BCL9L: variants seen among roughly 807,000 people sequenced by gnomAD.
The protein encoded by BCL9L is B-cell CLL/lymphoma 9-like protein.
A neutral mutation model predicts 99.4 loss-of-function variants in BCL9L; 19 were observed. That is an observed-to-expected ratio of 0.19 (90% CI 0.13 to 0.28). BCL9L has a LOEUF of 0.28. Ranked by LOEUF, BCL9L falls within the 10% of genes least tolerant of loss-of-function variation. The pLI, the probability that BCL9L is intolerant of heterozygous loss-of-function variation, is 1.00. For synonymous variants in BCL9L, 900 were observed against 854.8 expected (o/e 1.05, Z -0.92); for missense variants, 2,023 against 2,101.6 (o/e 0.96, Z 0.73).
intron 5 of BCL9L, among the ~76,000 whole-genome samples, chr11:118,905,053 T>C (rs780395597): frequency 6.6e-6 from 1 of 152,204 alleles, no homozygotes; most frequent in Non-Finnish European, 1.5e-5. Context: ...TTACTCCTCA[T>C]ACCAACCCTA....
Position 118,901,346 on chromosome 11 carries a change from C to G in BCL9L, c.2397G>C (p.Lys799Asn), listed in dbSNP as rs1940225904. The part of the protein sequence containing the change: ...TPQQQMLMSQ[K>N]MRGPGDLMGP... ...CCATCAAGTCCCCAGGGCCCCGCAT[C>G]TTCTGCGACATCAGCATCTGCTGCT... Residue 799 changes from lysine to asparagine, a missense_variant, in exon 8 of 10, where the codon AAG (lysine) becomes AAC (asparagine). Physicochemically the swap from Lys to Asn is moderately conservative, Grantham distance 94 (BLOSUM62 0). Coordinates refer to ENST00000683865, the MANE Select transcript of BCL9L (RefSeq NM_001378213.1). This position sits in a 1 kb window ranked among gnomAD's most constrained non-coding sequence, Gnocchi z 6.6. The G allele has an allele frequency of 1.2e-6, 2 of 1,613,844 alleles. No homozygotes were observed. Among genetic ancestry groups the G allele is most frequent in the East Asian group, 2.2e-5 (1 of 44,878 alleles).
chr11:118,902,570 G>A lies in BCL9L; in HGVS notation c.1173C>T (p.Arg391=). The change falls in exon 8 of 10, where the codon CGC becomes CGT. Residue 391 remains arginine, a synonymous_variant. Coordinates refer to ENST00000683865, the MANE Select transcript of BCL9L (RefSeq NM_001378213.1). This position sits in a 1 kb window ranked among gnomAD's most constrained non-coding sequence, Gnocchi z 7.8. ...GEAAAPGNGQ[R]SLVGSEGLSK... ...ACAAGCCCTCTGAGCCCACCAGGCT[G>A]CGCTGCCCATTTCCAGGGGCGGCTG... 2.5e-6 allele frequency: 4 copies of A among 1,601,208 alleles called. No homozygotes were observed. Among genetic ancestry groups the A allele is most frequent in the Non-Finnish European group, 2.5e-6 (3 of 1,179,856 alleles).
Position 118,901,785 on chromosome 11 carries a change from G to C in BCL9L, c.1958C>G (p.Ala653Gly). The change falls in exon 8 of 10, where the codon GCC becomes GGC. Residue 653 changes from alanine (A) to glycine (G), a missense_variant. Transcript: ENST00000683865. This position sits in a 1 kb window ranked among gnomAD's most constrained non-coding sequence, Gnocchi z 6.6. ...ACCTGGGTAGGGCATGGTGTTCTGGGCAAAATTGCTGGGTCCCCCCATAGG... is the reference window on the plus strand; with the variant it reads ...ACCTGGGTAGGGCATGGTGTTCTGGCCAAAATTGCTGGGTCCCCCCATAGG... The part of the protein sequence containing the change: ...LPPMGGPSNF[A>G]QNTMPYPGGQ... The C allele has an allele frequency of 6.2e-7, 1 of 1,611,176 alleles. No individual in the cohort carries two copies. Among genetic ancestry groups the C allele is most frequent in the Non-Finnish European group, 8.5e-7 (1 of 1,177,654 alleles).
Position 118,914,668 on chromosome 11 carries a change from C to G in BCL9L, c.-77+4158G>C. ...GGTTTCTGGTGTCAGTCCTGGCACC[C>G]TCAGGCAAGAAAGGCTTAGGGGATT... On this transcript the variant is annotated intron_variant, in intron 2 of 9. Transcript: ENST00000683865. This position sits in a 1 kb window ranked among gnomAD's most constrained non-coding sequence, Gnocchi z 4.4. Among the ~76,000 whole-genome samples the G allele has an allele frequency of 6.6e-6, 1 of 152,200 alleles. No individual in the cohort carries two copies. The highest frequency in any genetic ancestry group is 1.5e-5 in the Non-Finnish European group (1 of 68,036).
chr11:118,902,311 T>C lies in BCL9L; in HGVS notation c.1432A>G (p.Ser478Gly). The C allele has an allele frequency of 6.4e-7, 1 of 1,560,282 alleles. No homozygotes were observed. The highest frequency in any genetic ancestry group is 1.4e-5 in the African/African-American group (1 of 73,320). Residue 478 changes from serine to glycine, a missense_variant, in exon 8 of 10, where the codon AGC (serine) becomes GGC (glycine). Ser to Gly is a moderately conservative substitution (Grantham distance 56). Coordinates refer to ENST00000683865, the MANE Select transcript of BCL9L (RefSeq NM_001378213.1). The surrounding 1 kb of genome is among the most constrained non-coding windows in gnomAD (Gnocchi z 7.8). ...PLQSMISQTQ[S>G]LGGPPLEHEV... ...TGCTCCAGCGGGGGGCCCCCTAGGC[T>C]CTGTGTCTGTGAAATCATGGACTGC...
chr11:118,912,492 C>T (rs1940833561), intron 2 of BCL9L, among the ~76,000 whole-genome samples: 1 of 152,174 alleles, frequency 6.6e-6, no homozygotes, highest in Non-Finnish European at 1.5e-5. Flanking sequence ...GCTCCCCCAC[C>T]CCGAGTGACG....
intron 2 of BCL9L, among the ~76,000 whole-genome samples, chr11:118,913,779 G>A (rs1166702864): frequency 3.9e-5 from 6 of 152,086 alleles, no homozygotes; most frequent in Non-Finnish European, 8.8e-5. Flanking sequence ...GGCAAGGGAG[G>A]AGCAAGAAGC....
rs1207905899 is a variant in BCL9L at position 118,900,202 on chromosome 11, C to A, written c.3125-4G>T. The A allele has an allele frequency of 6.3e-7, 1 of 1,586,688 alleles. No homozygotes were observed. The highest frequency in any genetic ancestry group is 8.6e-7 in the Non-Finnish European group (1 of 1,163,780). ...GGGCCGCTAGGCGGGAGGGTACCTA[C>A]AGAAACGGGGAGACAAAGAGAGCAG... On this transcript the variant is annotated splice_region_variant and splice_polypyrimidine_tract_variant and intron_variant, in intron 8 of 9. Coordinates refer to ENST00000683865, the MANE Select transcript of BCL9L (RefSeq NM_001378213.1). The surrounding 1 kb of genome is among the most constrained non-coding windows in gnomAD (Gnocchi z 5.3).
At chr11:118,899,816 G>T in intron 9 of BCL9L, 101 bp downstream of exon 9, 1 of 1,444,992 alleles carries the variant, frequency 6.9e-7, no homozygotes, top group Non-Finnish European at 9.2e-7. Context: ...CACACCCAGG[G>T]CCTTCAGAGG....
chr11:118,899,215 G>T lies in BCL9L; in HGVS notation c.3700C>A (p.Gln1234Lys). ...GTGGGGGCCATGGCACCATGGGGCT[G>T]CTGCAGCCGAGGGGGGAAGGGCATC... is the stretch of plus-strand genomic sequence containing the variant. ...QMMPFPPRLQ[Q>K]PHGAMAPTGG... is the part of the protein sequence containing the mutation. The change falls in exon 10 of 10, where the codon CAG becomes AAG. Residue 1234 changes from glutamine to lysine, a missense_variant. Coordinates refer to ENST00000683865, the MANE Select transcript of BCL9L (RefSeq NM_001378213.1). The T allele has an allele frequency of 2.0e-6, 3 of 1,503,292 alleles. No homozygotes were observed. The highest frequency in any genetic ancestry group is 2.7e-6 in the Non-Finnish European group (3 of 1,127,026). The allele number at this position is 1,503,292 out of a possible 1,614,324, so 93.1% of individuals were successfully genotyped here.
Position 118,899,099 on chromosome 11 carries a change from G to T in BCL9L, c.3816C>A (p.Gly1272=). Reference sequence around the variant, plus strand: ...TCAGGTGCTGCTGGGGAGGCATGGGGCCTGGCGGCTGGTTGGGCAGGTCCT... The same window carrying T: ...TCAGGTGCTGCTGGGGAGGCATGGGTCCTGGCGGCTGGTTGGGCAGGTCCT... ...PPEDLPNQPP[G]PMPPQQHLMG... is the part of the protein sequence containing the mutation. Residue 1272 remains glycine, a synonymous_variant, in exon 10 of 10, where the codon GGC becomes GGA. Coordinates refer to ENST00000683865, the MANE Select transcript of BCL9L (RefSeq NM_001378213.1). 6.3e-7 allele frequency: 1 copy of T among 1,587,988 alleles called. No individual in the cohort carries two copies. Among genetic ancestry groups the T allele is most frequent in the Non-Finnish European group, 8.6e-7 (1 of 1,166,588 alleles).
At position 118,902,295 on chromosome 11, in the gene BCL9L, G is replaced by A. The variant is rs147951163; in HGVS notation, c.1448C>T (p.Pro483Leu). 98 of 1,577,590 alleles carry A rather than the reference G, an allele frequency of 6.2e-5. No homozygotes were observed. Among genetic ancestry groups the A allele is most frequent in the South Asian group, 1.6e-4 (14 of 84,884 alleles). The change falls in exon 8 of 10, where the codon CCG becomes CTG. Residue 483 changes from proline (P) to leucine (L), a missense_variant. Pro to Leu is a moderately conservative substitution (Grantham distance 98). Transcript: ENST00000683865. This position sits in a 1 kb window ranked among gnomAD's most constrained non-coding sequence, Gnocchi z 7.8. ...ISQTQSLGGP[P>L]LEHEVPGHPP... ...GTGCCCAGGCACTTCATGCTCCAGC[G>A]GGGGGCCCCCTAGGCTCTGTGTCTG...
At chr11:118,919,132 C>G (rs1251821679) in intron 1 of BCL9L, among the ~76,000 whole-genome samples, 1 of 136,750 alleles carries the variant, frequency 7.3e-6, no homozygotes, top group Non-Finnish European at 1.6e-5. Context: ...CCCCAACCCC[C>G]GCCCACCACA....
In BCL9L at chr11:118,901,354, A is replaced by G. The variant is rs1940226496; in HGVS notation, c.2389T>C (p.Ser797Pro). ...TCCCCAGGGCCCCGCATCTTCTGCG[A>G]CATCAGCATCTGCTGCTGCGGGGTC... is the stretch of plus-strand genomic sequence containing the variant. Reference protein sequence around the residue: ...QMTPQQQMLMSQKMRGPGDLM... With the variant: ...QMTPQQQMLMPQKMRGPGDLM... The change falls in exon 8 of 10, where the codon TCG becomes CCG. Residue 797 changes from serine to proline, a missense_variant. Transcript: ENST00000683865. This position sits in a 1 kb window ranked among gnomAD's most constrained non-coding sequence, Gnocchi z 6.6. 2 of 1,613,806 alleles carry G rather than the reference A, an allele frequency of 1.2e-6. No homozygotes were observed. Among genetic ancestry groups the G allele is most frequent in the South Asian group, 2.2e-5 (2 of 91,084 alleles).
Position 118,897,252 on chromosome 11 carries a change from C to T in BCL9L, c.*1163G>A, listed in dbSNP as rs1939952798. The T allele has an allele frequency of 6.3e-6, 1 of 159,096 alleles. No homozygotes were observed. The highest frequency in any genetic ancestry group is 6.0e-5 in the Admixed American group (1 of 16,564). The allele number at this position is 159,096 out of a possible 1,614,324, so 9.9% of individuals were successfully genotyped here. The stretch of plus-strand genomic sequence containing the variant: ...AGTCAGGGCCCTGGAGGTTACCTGG[C>T]CCAGGGCTACTACAGCCACAGGCCC... On this transcript the variant is annotated 3_prime_UTR_variant, in exon 10 of 10. Transcript: ENST00000683865.
rs1941246660 is a variant in BCL9L at position 118,925,112 on chromosome 11, G to C, written c.-131+126C>G. The stretch of plus-strand genomic sequence containing the variant: ...GTCCCCCACACCTTAAACAGCCTGG[G>C]GGTACGTGCCAGAGAGCAAGAGACA... On this transcript the variant is annotated intron_variant, in intron 1 of 9. Coordinates refer to ENST00000683865, the MANE Select transcript of BCL9L (RefSeq NM_001378213.1). This position sits in a 1 kb window ranked among gnomAD's most constrained non-coding sequence, Gnocchi z 6.4. 6.6e-6 allele frequency: 1 copy of C among 152,366 alleles called. No homozygotes were observed. The highest frequency in any genetic ancestry group is 2.4e-5 in the African/African-American group (1 of 41,464). The allele number at this position is 152,366 out of a possible 1,614,324, so 9.4% of individuals were successfully genotyped here.
At chr11:118,912,015 C>T (rs1483745929) in intron 2 of BCL9L, among the ~76,000 whole-genome samples, 1 of 152,246 alleles carries the variant, frequency 6.6e-6, no homozygotes, top group Non-Finnish European at 1.5e-5. Context: ...CCCTCCCCTC[C>T]GGGACTCCAC....
rs1410594428 is a variant in BCL9L at position 118,900,216 on chromosome 11, CAAAG to C, written c.3125-22_3125-19del. 3.8e-6 allele frequency: 6 copies of C among 1,572,914 alleles called. No homozygotes were observed. The highest frequency in any genetic ancestry group is 4.3e-6 in the Non-Finnish European group (5 of 1,156,896). ...GAGGGTACCTACAGAAACGGGGAGACAAAGAGAGCAGGGGTGACTGGGGAGGGGC... is the reference window on the plus strand; with the variant it reads ...GAGGGTACCTACAGAAACGGGGAGACAGAGCAGGGGTGACTGGGGAGGGGC... On this transcript the variant is annotated intron_variant, in intron 8 of 9. Coordinates refer to ENST00000683865, the MANE Select transcript of BCL9L (RefSeq NM_001378213.1). The surrounding 1 kb of genome is among the most constrained non-coding windows in gnomAD (Gnocchi z 5.3).
At position 118,899,592 on chromosome 11, in the gene BCL9L, G is replaced by A; in HGVS notation, c.3407-84C>T. On this transcript the variant is annotated intron_variant, in intron 9 of 9. Transcript: ENST00000683865. ...GGGCTCAGGCCTTCCCCACTCCCAA[G>A]CCAGGGGGTGCCAGAGGTCAAAGTC... The A allele has an allele frequency of 6.6e-6, 10 of 1,511,338 alleles. 1 individual carries two copies. In the South Asian group the frequency reaches 1.2e-4, roughly 18 times the overall value. 93.6% of individuals were successfully genotyped at this position (1,511,338 alleles called of 1,614,324 possible).
Sources: gnomAD v4.1 joint callset for allele counts (sites outside exome capture counted in the v4.1 genomes callset) on GRCh38, gnomAD v4.1.1 for gene constraint, Gnocchi (gnomAD v3.1) non-coding constraint, MANE v1.5 for transcripts, NCBI Gene and HGNC (gene_info 2026-07-23, HGNC 2026-07-21) for gene names.